Variants in HS6ST3 observed in about 807,000 individuals in gnomAD.
The protein encoded by HS6ST3 is heparan-sulfate 6-O-sulfotransferase 3.
Under a neutral mutation model 36.7 loss-of-function variants are expected in HS6ST3, and 12 were observed. The observed-to-expected ratio is 0.33, with a 90% CI of 0.21 to 0.53. The LOEUF (loss-of-function observed/expected upper bound fraction) is 0.53. HS6ST3 is among the 20% of genes least tolerant of loss of function. The probability of loss-of-function intolerance (pLI) is 0.95; values close to 1 mark genes in which losing one functional copy is unlikely to be tolerated. For synonymous variants in HS6ST3, 240 were observed against 257.5 expected (o/e 0.93, Z 0.65); for missense variants, 584 against 640.9 (o/e 0.91, Z 0.96).
intron 1 of HS6ST3, among the ~76,000 whole-genome samples, chr13:96,593,847 C>A (rs943908804): frequency 6.6e-6 from 1 of 151,930 alleles, no homozygotes. Flanking sequence ...CTATTCCAGT[C>A]CTCATTTGGC....
intron 1 of HS6ST3, among the ~76,000 whole-genome samples, chr13:96,255,135 C>A (rs191984215): frequency 2.6e-5 from 4 of 152,316 alleles, no homozygotes; most frequent in Non-Finnish European, 5.9e-5. Flanking sequence ...CTAGCTGGAA[C>A]AAGGTTAGGC....
At chr13:96,392,088 C>G (rs1452146290) in intron 1 of HS6ST3, among the ~76,000 whole-genome samples, 1 of 152,162 alleles carries the variant, frequency 6.6e-6, no homozygotes, top group Non-Finnish European at 1.5e-5. Context: ...CTGTCCATTC[C>G]CTTCCCTTCT....
intron 1 of HS6ST3, among the ~76,000 whole-genome samples, chr13:96,495,045 C>G (rs535634510): frequency 1.4e-4 from 22 of 152,188 alleles, no homozygotes; most frequent in Non-Finnish European, 1.3e-4. Context: ...TTCCCAGATG[C>G]TTTTCCTCTC....
chr13:96,614,447 A>G (rs191323878), intron 1 of HS6ST3, among the ~76,000 whole-genome samples: 2 of 152,036 alleles, frequency 1.3e-5, no homozygotes, highest in Admixed American at 1.3e-4. Context: ...GGAGGTGAGT[A>G]TTTGCAAGAC....
chr13:96,629,247 T>C (rs999985053), intron 1 of HS6ST3, among the ~76,000 whole-genome samples: 8 of 152,208 alleles, frequency 5.3e-5, no homozygotes, highest in African/African-American at 1.7e-4. Context: ...TTTCCACATA[T>C]TATGTTTCAT....
chr13:96,165,281 C>T (rs1393585678), intron 1 of HS6ST3, among the ~76,000 whole-genome samples: 1 of 152,154 alleles, frequency 6.6e-6, no homozygotes, highest in African/African-American at 2.4e-5. Flanking sequence ...TATAGGTTTA[C>T]CTCTTTTGGT....
At position 96,091,015 on chromosome 13, in the gene HS6ST3, C is replaced by T. The variant is rs749591162; in HGVS notation, c.153C>T (p.Val51=). Residue 51 remains valine (V), a synonymous_variant, in exon 1 of 2, where the codon GTC becomes GTT. Transcript: ENST00000376705. Reference sequence around the variant, plus strand: ...CGGGGGAGGCCGGCCCGCCCGCCGTCCCGGGTCCCGCCCGCCGGGCTCAGG... The same window carrying T: ...CGGGGGAGGCCGGCCCGCCCGCCGTTCCGGGTCCCGCCCGCCGGGCTCAGG... ...PRAGEAGPPA[V]PGPARRAQAP... 60 of 1,270,242 alleles carry T rather than the reference C, an allele frequency of 4.7e-5. No individual in the cohort carries two copies. In the African/African-American group the frequency reaches 6.9e-4, roughly 15 times the overall value. The allele number at this position is 1,270,242 out of a possible 1,614,324, so 78.7% of individuals were successfully genotyped here.
At chr13:96,323,311 T>G (rs1325983560) in intron 1 of HS6ST3, among the ~76,000 whole-genome samples, 1 of 152,180 alleles carries the variant, frequency 6.6e-6, no homozygotes, top group Non-Finnish European at 1.5e-5. Context: ...CTCTGGGTGT[T>G]CAAACTAAAA....
chr13:96,327,745 C>T (rs1017049612), intron 1 of HS6ST3, among the ~76,000 whole-genome samples: 4 of 152,184 alleles, frequency 2.6e-5, no homozygotes, highest in African/African-American at 9.6e-5. Context: ...ATGGGGATGG[C>T]ATTGAGTCTG....
intron 1 of HS6ST3, among the ~76,000 whole-genome samples, chr13:96,589,980 C>T (rs1225861434): frequency 1.3e-5 from 2 of 152,146 alleles, no homozygotes; most frequent in African/African-American, 4.8e-5. Context: ...ACATAATAAT[C>T]TCCAGTTCCA....
At chr13:96,404,963 T>A (rs2055470194) in intron 1 of HS6ST3, among the ~76,000 whole-genome samples, 1 of 152,174 alleles carries the variant, frequency 6.6e-6, no homozygotes, top group Admixed American at 6.5e-5. Flanking sequence ...CTGATGGTTT[T>A]AAAAACGGGA....
chr13:96,829,137 T>C (rs1322146628), intron 1 of HS6ST3, among the ~76,000 whole-genome samples: 1 of 152,136 alleles, frequency 6.6e-6, no homozygotes, highest in Non-Finnish European at 1.5e-5. Flanking sequence ...TAACCATTCC[T>C]TTGAAATCAA....
intron 1 of HS6ST3, among the ~76,000 whole-genome samples, chr13:96,392,202 G>A (rs2055399289): frequency 6.6e-6 from 1 of 152,182 alleles, no homozygotes; most frequent in Non-Finnish European, 1.5e-5. Flanking sequence ...ATACCTGTAG[G>A]CTGACTGCCT....
chr13:96,276,062 T>TCATGCCTTGCCATTCCCAG (rs1464981449), intron 1 of HS6ST3, among the ~76,000 whole-genome samples: 3 of 152,018 alleles, frequency 2.0e-5, no homozygotes, highest in Admixed American at 6.6e-5. Flanking sequence ...ACCATTCCCA[T>TCATGCCTTGCCATTCCCAG]CATGCCTTGC....
At chr13:96,543,240 C>T (rs2056184865) in intron 1 of HS6ST3, among the ~76,000 whole-genome samples, 1 of 152,180 alleles carries the variant, frequency 6.6e-6, no homozygotes, top group South Asian at 2.1e-4. Flanking sequence ...TAATCTCCTG[C>T]TGTACTTCAG....
chr13:96,352,627 A>ACATGACTT (rs1423912551), intron 1 of HS6ST3, among the ~76,000 whole-genome samples: 5 of 152,196 alleles, frequency 3.3e-5, no homozygotes, highest in African/African-American at 1.2e-4. Flanking sequence ...CTGCCCAAGG[A>ACATGACTT]CATGACTTCT....
intron 1 of HS6ST3, among the ~76,000 whole-genome samples, chr13:96,183,777 A>G (rs1045299554): frequency 6.6e-6 from 1 of 152,192 alleles, no homozygotes. Flanking sequence ...GGAAGGGAGA[A>G]TGGGGAGTTA....
intron 1 of HS6ST3, among the ~76,000 whole-genome samples, chr13:96,433,809 C>A (rs542293186): frequency 6.6e-6 from 1 of 152,114 alleles, no homozygotes; most frequent in Non-Finnish European, 1.5e-5. Context: ...GTGGCAGGCA[C>A]GTGTAATACC....
chr13:96,277,160 T>G (rs1225203675), intron 1 of HS6ST3, among the ~76,000 whole-genome samples: 13 of 152,198 alleles, frequency 8.5e-5, no homozygotes, highest in Admixed American at 8.5e-4. Context: ...TGGGATGCCC[T>G]TCCTGTATCT....
Sources: allele counts gnomAD v4.1 joint callset (sites outside exome capture counted in the v4.1 genomes callset), GRCh38; gene constraint gnomAD v4.1.1; transcripts MANE v1.5; gene names NCBI Gene and HGNC (gene_info 2026-07-23, HGNC 2026-07-21).